The following FANCA variants were observed in gnomAD, a reference collection of about 807,000 sequenced individuals.
The protein encoded by FANCA is Fanconi anemia group A protein.
In FANCA, 236 loss-of-function variants were observed where a neutral mutation model predicts 194.3. The observed-to-expected ratio is 1.21, with a 90% confidence interval of 1.09 to 1.35. The LOEUF (loss-of-function observed/expected upper bound fraction) is 1.35. Ranked by LOEUF, FANCA falls within the 40% of genes most tolerant of loss-of-function variation. The pLI, the probability that FANCA is intolerant of heterozygous loss-of-function variation, is 0.00. For missense variants in FANCA, 2,628 were observed against 1,813.9 expected (o/e 1.45, Z -8.15); for synonymous variants, 1,014 against 715.8 (o/e 1.42, Z -6.65).
chr16:89,799,106 C>T, intron 10 of FANCA, 60 bp downstream of exon 10: 1 of 1,614,184 alleles, frequency 6.2e-7, no homozygotes, highest in Non-Finnish European at 8.5e-7. Flanking sequence ...TATCTTGGCT[C>T]TTTAATTTGG....
chr16:89,799,030 G>A (rs778310064), intron 10 of FANCA, 136 bp downstream of exon 10: 6 of 1,614,246 alleles, frequency 3.7e-6, no homozygotes, highest in Admixed American at 1.7e-5. Context: ...CCTCACGCAC[G>A]TTATCGTAAC....
chr16:89,802,065 A>C (rs1177330001), intron 8 of FANCA, among the ~76,000 whole-genome samples: 2 of 152,194 alleles, frequency 1.3e-5, no homozygotes, highest in African/African-American at 4.8e-5. Context: ...TGTGCCCAAC[A>C]AGAGATGACC....
chr16:89,745,885 A>C (rs997550398), intron 35 of FANCA, among the ~76,000 whole-genome samples: 2 of 152,238 alleles, frequency 1.3e-5, no homozygotes, highest in African/African-American at 4.8e-5. Flanking sequence ...GTGGCGTTCT[A>C]AACACCGAAG....
intron 3 of FANCA, among the ~76,000 whole-genome samples, chr16:89,811,503 G>A (rs2040877912): frequency 6.6e-6 from 1 of 152,104 alleles, no homozygotes. Context: ...AATTAGGCAG[G>A]GATTTCCCAA....
rs1026686587 is a variant in FANCA, at chr16:89,791,480, C to T, written c.1282G>A (p.Val428Ile). 2 of 1,614,210 alleles carry T rather than the reference C, an allele frequency of 1.2e-6. No homozygotes were observed. The highest frequency in any genetic ancestry group is 1.7e-5 in the Admixed American group (1 of 60,024). ...TGGCGCACAACCAGGAACGCAGTGA[C>T]CATGCTGTCCAGCTGGCAGCTCTCG... ...AFESCQLDSM[V>I]TAFLVVRQAA... is the part of the protein sequence containing the mutation. Residue 428 changes from valine (V) to isoleucine (I), a missense_variant, in exon 14 of 43, where the codon GTC becomes ATC. Physicochemically the swap from Val to Ile is conservative, Grantham distance 29. Coordinates refer to ENST00000389301, the MANE Select transcript of FANCA (RefSeq NM_000135.4).
chr16:89,739,075 G>A (rs1269411297), intron 41 of FANCA, 58 bp downstream of exon 41: 3 of 1,613,790 alleles, frequency 1.9e-6, no homozygotes, highest in Admixed American at 3.3e-5. Context: ...TTCTTTGGCA[G>A]AAGGAGCCTC....
rs2039289227 is a variant in FANCA at position 89,770,588 on chromosome 16, G to A, written c.2198C>T (p.Ala733Val). 1 of 1,611,636 alleles carries A rather than the reference G, an allele frequency of 6.2e-7. No homozygotes were observed. The highest frequency in any genetic ancestry group is 8.5e-7 in the Non-Finnish European group (1 of 1,179,002). ...LTSFCQNLMAASSVAPPERQG... is the reference protein window; with the variant it reads ...LTSFCQNLMAVSSVAPPERQG... ...CCTCTCCGGGGGAGCGACACTGGAG[G>A]CAGCCATCAGGTTCTGACAGAAAGA... Residue 733 changes from alanine to valine, a missense_variant, in exon 24 of 43, where the codon GCC becomes GTC. Ala to Val is a moderately conservative substitution (Grantham distance 64). Coordinates refer to ENST00000389301, the MANE Select transcript of FANCA (RefSeq NM_000135.4).
chr16:89,746,560 C>T (rs1303095974), intron 35 of FANCA, 24 bp downstream of exon 35: 1 of 1,602,858 alleles, frequency 6.2e-7, no homozygotes, highest in Admixed American at 1.7e-5. Flanking sequence ...CAAAACAAAA[C>T]ACCAAACAAG....
At chr16:89,765,812 T>G (rs1044279621) in intron 27 of FANCA, among the ~76,000 whole-genome samples, 1 of 152,210 alleles carries the variant, frequency 6.6e-6, no homozygotes, top group African/African-American at 2.4e-5. Flanking sequence ...ATGTTTTCTT[T>G]AAAAACTTGG....
At chr16:89,771,851 C>A (rs775354681) in intron 22 of FANCA, 37 bp from the exon 23 acceptor site, 1 of 1,612,422 alleles carries the variant, frequency 6.2e-7, no homozygotes, top group Admixed American at 1.7e-5. Context: ...TGACAAGAAC[C>A]CCGAAAGGAG....
intron 8 of FANCA, among the ~76,000 whole-genome samples, chr16:89,803,010 T>C (rs889842069): frequency 3.9e-5 from 6 of 152,168 alleles, no homozygotes; most frequent in Admixed American, 2.6e-4. Flanking sequence ...TAACAACAGA[T>C]TGTATATTTC....
chr16:89,800,649 G>A (rs1567643286), intron 8 of FANCA, among the ~76,000 whole-genome samples: 1 of 152,218 alleles, frequency 6.6e-6, no homozygotes, highest in Admixed American at 6.6e-5. Context: ...CACACTGCCT[G>A]AGGTCAAAAT....
intron 23 of FANCA, 104 bp downstream of exon 23, chr16:89,771,574 G>A (rs2039326955): frequency 7.3e-7 from 1 of 1,360,574 alleles, no homozygotes; most frequent in South Asian, 1.2e-5. Context: ...GACACTAACT[G>A]AGCAAGTCAA....
intron 7 of FANCA, 40 bp downstream of exon 7, chr16:89,805,240 T>G: frequency 1.1e-5 from 16 of 1,490,948 alleles, no homozygotes; most frequent in Non-Finnish European, 1.5e-5. Context: ...CAGATCAAAA[T>G]GAGTTTTACC....
intron 30 of FANCA, among the ~76,000 whole-genome samples, chr16:89,754,199 G>A (rs1273772582): frequency 1.3e-5 from 2 of 151,270 alleles, no homozygotes; most frequent in Non-Finnish European, 1.5e-5. Context: ...TCCAGCCTGG[G>A]TGACAGAGCG....
At chr16:89,762,739 C>T (rs1439741340) in intron 28 of FANCA, 1 of 452,324 alleles carries the variant, frequency 2.2e-6, no homozygotes, top group East Asian at 7.2e-5. Flanking sequence ...CTCCAGAATT[C>T]TCCCCCTCAG....
intron 1 of FANCA, 49 bp from the exon 2 acceptor site, chr16:89,816,035 G>C (rs547826697): frequency 6.9e-7 from 1 of 1,452,708 alleles, no homozygotes; most frequent in Non-Finnish European, 9.7e-7. Context: ...TTCACACACG[G>C]GGTCCCCGGC....
chr16:89,805,430 A>C (rs2040605194), intron 6 of FANCA, 38 bp from the exon 7 acceptor site: 2 of 1,505,112 alleles, frequency 1.3e-6, no homozygotes, highest in Non-Finnish European at 1.8e-6. Context: ...AGGCTCAACT[A>C]AATCCCATCA....
chr16:89,789,598 C>G (rs2040003361), intron 14 of FANCA, among the ~76,000 whole-genome samples: 1 of 151,918 alleles, frequency 6.6e-6, no homozygotes. Flanking sequence ...TACCACCACA[C>G]CCAGCTAATT....
Sources: allele counts gnomAD v4.1 joint callset (sites outside exome capture counted in the v4.1 genomes callset), GRCh38; gene constraint gnomAD v4.1.1; transcripts MANE v1.5; gene names NCBI Gene and HGNC (gene_info 2026-07-23, HGNC 2026-07-21).